Variants in SPTBN5 observed in about 807,000 individuals in gnomAD.
The protein encoded by SPTBN5 is spectrin beta, non-erythrocytic 5.
In SPTBN5, 513 loss-of-function variants were observed where a neutral mutation model predicts 477.6. The observed-to-expected ratio is 1.07, with a 90% CI of 1.00 to 1.16. The LOEUF (loss-of-function observed/expected upper bound fraction) is 1.16, where lower values mean the gene tolerates loss of function less well. SPTBN5 is among the 50% of genes most tolerant of loss of function. The pLI, the probability that SPTBN5 is intolerant of heterozygous loss-of-function variation, is 0.00. For missense variants in SPTBN5, 5,062 were observed against 4,731.8 expected (o/e 1.07, Z -2.05); for synonymous variants, 2,169 against 2,011.7 (o/e 1.08, Z -2.09).
intron 44 of SPTBN5, 98 bp downstream of exon 44, chr15:41,862,031 CG>C: frequency 2.6e-6 from 4 of 1,509,652 alleles, no homozygotes; most frequent in Non-Finnish European, 3.5e-6. Flanking sequence ...ATAGGCAGGG[CG>C]GGACACTCAG....
rs770060051 is a variant in SPTBN5 at position 41,862,214 on chromosome 15, C to G, written c.7464G>C (p.Arg2488Ser). ...MLQELLVSAQRLRAQMDTSPA... is the reference protein window; with the variant it reads ...MLQELLVSAQSLRAQMDTSPA... ...GGCTCGTGTCCATCTGAGCCCGCAG[C>G]CTCTGGGCGCTGACCAGCAATTCCT... Residue 2488 changes from arginine (R) to serine (S), a missense_variant, in exon 44 of 68, where the codon AGG (arginine) becomes AGC (serine). By Grantham distance (110) the Arg-to-Ser change is moderately radical. Transcript: ENST00000320955. 1 of 1,611,776 alleles carries G rather than the reference C, an allele frequency of 6.2e-7. No homozygotes were observed. The highest frequency in any genetic ancestry group is 1.1e-5 in the South Asian group (1 of 90,976).
chr15:41,871,428 T>C lies in SPTBN5; in HGVS notation c.5394A>G (p.Leu1798=). ...AACRLLAESL[L]ERGHSAGPMV... The stretch of plus-strand genomic sequence containing the variant: ...TGGGGCCAGCACTGTGCCCACGCTC[T>C]AGCAGGCTCTCCGCCAGCAGCCGGC... The change falls in exon 29 of 68, where the codon CTA becomes CTG. Residue 1798 remains leucine, a synonymous_variant. Transcript: ENST00000320955. The C allele has an allele frequency of 3.2e-6, 5 of 1,544,264 alleles. No individual in the cohort carries two copies. The highest frequency in any genetic ancestry group is 4.4e-6 in the Non-Finnish European group (5 of 1,144,036).
chr15:41,853,873 GAA>G (rs1461863205), intron 57 of SPTBN5, 86 bp from the exon 58 acceptor site: 1 of 1,436,900 alleles, frequency 7.0e-7, no homozygotes, highest in East Asian at 2.5e-5. Flanking sequence ...CCTCTCTGAG[GAA>G]CCACCTCCAC....
At position 41,874,846 on chromosome 15, in the gene SPTBN5, G is replaced by T. The variant is rs747466716; in HGVS notation, c.4498C>A (p.Arg1500=). 40 of 1,603,926 alleles carry T rather than the reference G, an allele frequency of 2.5e-5. 1 individual carries two copies. In the South Asian group the frequency reaches 4.1e-4, roughly 16 times the overall value. Reference sequence around the variant, plus strand: ...GGGTGGGAGGACAGACCCCACCTCCGGAGGTGCTTCTGGGTCTCTTCCAGG... The same window carrying T: ...GGGTGGGAGGACAGACCCCACCTCCTGAGGTGCTTCTGGGTCTCTTCCAGG... ...AILEETQKHL[R]RLELLQGHLA... is the part of the protein sequence containing the mutation. Residue 1500 remains arginine, a synonymous_variant, in exon 23 of 68, where the codon CGG becomes AGG. Coordinates refer to ENST00000320955, the MANE Select transcript of SPTBN5 (RefSeq NM_016642.4).
At position 41,850,942 on chromosome 15, in the gene SPTBN5, G is replaced by A. The variant is rs373249859; in HGVS notation, c.10836-3C>T. 6.4e-6 allele frequency: 10 copies of A among 1,560,788 alleles called. No homozygotes were observed. The highest frequency in any genetic ancestry group is 2.3e-5 in the South Asian group (2 of 87,514). ...GGATCTCTGCCCCACTGGTCAGCCT[G>A]GCACCCACAGTCACAGGTCAAACTC... On this transcript the variant is annotated splice_polypyrimidine_tract_variant and splice_region_variant and intron_variant, in intron 65 of 67. Coordinates refer to ENST00000320955, the MANE Select transcript of SPTBN5 (RefSeq NM_016642.4).
At chr15:41,868,944 T>C (rs1351894265) in intron 32 of SPTBN5, among the ~76,000 whole-genome samples, 1 of 152,200 alleles carries the variant, frequency 6.6e-6, no homozygotes, top group Non-Finnish European at 1.5e-5. Context: ...GACTGCTTGA[T>C]GGGGAAAGAA....
chr15:41,889,946 G>C (rs1353399543), intron 4 of SPTBN5, 143 bp downstream of exon 4: 1 of 612,360 alleles, frequency 1.6e-6, no homozygotes. Flanking sequence ...CATGGTTGGA[G>C]AGTGAATATG....
chr15:41,862,014 G>A (rs543963878), intron 44 of SPTBN5, 91 bp from the exon 45 acceptor site: 23 of 1,523,878 alleles, frequency 1.5e-5, no homozygotes, highest in Non-Finnish European at 2.0e-5. Flanking sequence ...GCGGGAGGCT[G>A]GAGGAGATAG....
intron 66 of SPTBN5, 178 bp downstream of exon 66, chr15:41,850,676 C>A (rs1293053809): frequency 3.3e-6 from 2 of 614,368 alleles, no homozygotes; most frequent in Non-Finnish European, 5.6e-6. Flanking sequence ...TGATCTTGGG[C>A]AAGTTGCGTA....
chr15:41,849,966 A>T lies in SPTBN5; in HGVS notation c.10922-7T>A. ...TTTGGGCTCAGACTCTGGGCTGCAG[A>T]GCAAGGGAATAACCACTGTTAGCCC... On this transcript the variant is annotated splice_region_variant and splice_polypyrimidine_tract_variant and intron_variant, in intron 66 of 67. Coordinates refer to ENST00000320955, the MANE Select transcript of SPTBN5 (RefSeq NM_016642.4). 1 of 1,581,716 alleles carries T rather than the reference A, an allele frequency of 6.3e-7. No homozygotes were observed.
rs746611853 is a variant in SPTBN5 at position 41,872,341 on chromosome 15, C to T, written c.5126G>A (p.Arg1709Gln). ...EQQRVVQERL[R>Q]EQLRALQELA... ...CTCCTGCAGTGCCCGCAGCTGCTCCCGGAGCCTCTCCTGCACCACACGCTG... is the reference window on the plus strand; with the variant it reads ...CTCCTGCAGTGCCCGCAGCTGCTCCTGGAGCCTCTCCTGCACCACACGCTG... The change falls in exon 27 of 68, where the codon CGG becomes CAG. Residue 1709 changes from arginine to glutamine, a missense_variant. Coordinates refer to ENST00000320955, the MANE Select transcript of SPTBN5 (RefSeq NM_016642.4). The T allele has an allele frequency of 2.9e-5, 47 of 1,611,078 alleles. No homozygotes were observed. The highest frequency in any genetic ancestry group is 2.4e-4 in the South Asian group (22 of 90,764).
intron 66 of SPTBN5, chr15:41,850,507 CAG>C: frequency 3.3e-6 from 1 of 298,776 alleles, no homozygotes; most frequent in Non-Finnish European, 6.2e-6. Flanking sequence ...CCAGATCAGA[CAG>C]AACAGAGCCT....
rs1336098684 is a variant in SPTBN5, at chr15:41,879,514, C to T, written c.2943-15G>A. ...GCTGCCCCCACCTGGGCAGAGGGTA[C>T]AAGGTTGTCTCCACAACAGGGACAC... On this transcript the variant is annotated splice_polypyrimidine_tract_variant and intron_variant, in intron 15 of 67. Transcript: ENST00000320955. 1.9e-6 allele frequency: 3 copies of T among 1,543,464 alleles called. No individual in the cohort carries two copies. Among genetic ancestry groups the T allele is most frequent in the Non-Finnish European group, 2.6e-6 (3 of 1,146,570 alleles).
intron 56 of SPTBN5, 23 bp from the exon 57 acceptor site, chr15:41,854,228 C>G: frequency 1.9e-6 from 3 of 1,581,634 alleles, no homozygotes; most frequent in Non-Finnish European, 2.6e-6. Flanking sequence ...AAAGGACCTG[C>G]TCAGGGCTGT....
At chr15:41,852,778 G>GGT (rs754468435) in intron 60 of SPTBN5, 43 bp from the exon 61 acceptor site, 3 of 1,608,276 alleles carry the variant, frequency 1.9e-6, no homozygotes, top group Non-Finnish European at 2.5e-6. Context: ...TTGGGGGGGG[G>GGT]GGCCCAGAGC....
At chr15:41,869,549 C>A (rs938792741) in intron 32 of SPTBN5, among the ~76,000 whole-genome samples, 14 of 152,354 alleles carry the variant, frequency 9.2e-5, no homozygotes, top group African/African-American at 3.4e-4. Context: ...ACATCTGGGT[C>A]TCCAGTTATG....
intron 27 of SPTBN5, 74 bp downstream of exon 27, chr15:41,872,228 G>T: frequency 6.6e-7 from 1 of 1,525,100 alleles, no homozygotes; most frequent in Non-Finnish European, 8.9e-7. Context: ...TTGACTTTGG[G>T]CCATGGCATG....
At chr15:41,861,949 C>T (rs372493048) in intron 44 of SPTBN5, 26 bp from the exon 45 acceptor site, 21 of 1,584,644 alleles carry the variant, frequency 1.3e-5, no homozygotes, top group Non-Finnish European at 1.8e-5. Context: ...GCTCAGATCA[C>T]TGGGGGCTGG....
In SPTBN5 at chr15:41,862,669, G is replaced by T. The variant is rs753014764; in HGVS notation, c.7264-9C>A. 1.3e-6 allele frequency: 2 copies of T among 1,548,452 alleles called. No individual in the cohort carries two copies. Among genetic ancestry groups the T allele is most frequent in the African/African-American group, 1.4e-5 (1 of 73,634 alleles). On this transcript the variant is annotated splice_polypyrimidine_tract_variant and intron_variant, in intron 42 of 67. Transcript: ENST00000320955. ...ACTTCACGCTCTAGGGACTGCGGGG[G>T]AAGCCGGGGTCAGAGGCTGGGGCAG...
Sources: gnomAD v4.1 joint callset for allele counts (sites outside exome capture counted in the v4.1 genomes callset) on GRCh38, gnomAD v4.1.1 for gene constraint, MANE v1.5 for transcripts, NCBI Gene and HGNC (gene_info 2026-07-23, HGNC 2026-07-21) for gene names.